Variants in GABRA4 observed in about 807,000 individuals in gnomAD.
GABRA4 encodes the protein gamma-aminobutyric acid type A receptor subunit alpha4.
A neutral mutation model predicts 49.7 loss-of-function variants in GABRA4; 12 were observed. The observed-to-expected ratio is 0.24, with a 90% CI of 0.15 to 0.39. The LOEUF (loss-of-function observed/expected upper bound fraction) is 0.39, where lower values mean the gene tolerates loss of function less well. Ranked by LOEUF, GABRA4 falls within the 10% of genes least tolerant of loss-of-function variation. GABRA4 has a pLI of 1.00. For missense variants in GABRA4, 506 were observed against 686.0 expected, an observed-to-expected ratio of 0.74 and a Z score of 2.93; for synonymous variants, 288 against 240.2, an observed-to-expected ratio of 1.20 and a Z score of -1.84.
At chr4:46,963,390 T>A (rs972180062) in intron 8 of GABRA4, among the ~76,000 whole-genome samples, 1 of 151,804 alleles carries the variant, frequency 6.6e-6, no homozygotes, top group Non-Finnish European at 1.5e-5. Flanking sequence ...GGGGAAGTAA[T>A]TGAATCATGG....
At chr4:46,980,908 G>A (rs975264475) in intron 2 of GABRA4, among the ~76,000 whole-genome samples, 1 of 152,094 alleles carries the variant, frequency 6.6e-6, no homozygotes, top group Non-Finnish European at 1.5e-5. Context: ...GTCAGGGCAA[G>A]TGGTGATAAG....
At chr4:46,935,901 C>T (rs1721588220) in intron 8 of GABRA4, among the ~76,000 whole-genome samples, 1 of 151,970 alleles carries the variant, frequency 6.6e-6, no homozygotes, top group African/African-American at 2.4e-5. Context: ...GAAATAAATA[C>T]AAATAAATAC....
At chr4:46,983,257 T>C (rs1723419940) in intron 2 of GABRA4, among the ~76,000 whole-genome samples, 1 of 152,132 alleles carries the variant, frequency 6.6e-6, no homozygotes, top group African/African-American at 2.4e-5. Context: ...GAATATAACA[T>C]GCTATACCTA....
At chr4:46,951,803 T>A (rs1337902738) in intron 8 of GABRA4, among the ~76,000 whole-genome samples, 1 of 151,680 alleles carries the variant, frequency 6.6e-6, no homozygotes, top group East Asian at 1.9e-4. Context: ...TACGTGTGTG[T>A]GTGTGTGTGT....
In GABRA4 at chr4:46,919,467, A is replaced by G. The variant is rs1004676230; in HGVS notation, c.*8758T>C. ...TTTCCCATAAAATCAAAACACCTCT[A>G]TCTCCTATCAAACCTTGAACTGTTA... On this transcript the variant is annotated 3_prime_UTR_variant, in exon 9 of 9. Coordinates refer to ENST00000264318, the MANE Select transcript of GABRA4 (RefSeq NM_000809.4). The G allele has an allele frequency of 1.3e-5, 2 of 151,524 alleles. No individual in the cohort carries two copies. Among genetic ancestry groups the G allele is most frequent in the African/African-American group, 4.8e-5 (2 of 41,388 alleles). 9.4% of individuals were successfully genotyped at this position (151,524 alleles called of 1,614,324 possible). A position where few individuals can be genotyped will look rare whatever the true frequency, so the allele number is the denominator to read the frequency against.
intron 2 of GABRA4, 193 bp downstream of exon 2, chr4:46,992,635 G>T: frequency 6.7e-6 from 4 of 594,866 alleles, no homozygotes; most frequent in Non-Finnish European, 1.2e-5. Flanking sequence ...CTTCTGAGGG[G>T]GCAGGGAGAT....
At chr4:46,985,774 T>C (rs1723511065) in intron 2 of GABRA4, among the ~76,000 whole-genome samples, 1 of 151,994 alleles carries the variant, frequency 6.6e-6, no homozygotes. Flanking sequence ...AGCACCAGTA[T>C]ATTGTATATC....
chr4:46,964,906 C>G (rs1722698176), intron 8 of GABRA4, 64 bp downstream of exon 8: 5 of 1,469,106 alleles, frequency 3.4e-6, no homozygotes, highest in Non-Finnish European at 4.5e-6. Context: ...AGTTTGTTTC[C>G]CTGACAAAAT....
In GABRA4 at chr4:46,924,079, C is replaced by T. The variant is rs1204406946; in HGVS notation, c.*4146G>A. 2 of 152,088 alleles carry T rather than the reference C, an allele frequency of 1.3e-5. No homozygotes were observed. Among genetic ancestry groups the T allele is most frequent in the Non-Finnish European group, 2.9e-5 (2 of 68,008 alleles). 9.4% of individuals were successfully genotyped at this position (152,088 alleles called of 1,614,324 possible). A position where few individuals can be genotyped will look rare whatever the true frequency, so the allele number is the denominator to read the frequency against. On this transcript the variant is annotated 3_prime_UTR_variant, in exon 9 of 9. Transcript: ENST00000264318. ...TTAGCTTAAGATTATATCTGTGAAA[C>T]CTTCTCTGCTATCACTCTTGTTCCT...
At chr4:46,942,916 C>T (rs140333118) in intron 8 of GABRA4, among the ~76,000 whole-genome samples, 3 of 152,058 alleles carry the variant, frequency 2.0e-5, no homozygotes, top group African/African-American at 4.8e-5. Context: ...AATGTCTTCT[C>T]CCCCCAATTT....
chr4:46,992,451 GC>G (rs1223941054), intron 2 of GABRA4, among the ~76,000 whole-genome samples: 1 of 152,198 alleles, frequency 6.6e-6, no homozygotes, highest in East Asian at 1.9e-4. Flanking sequence ...CTTCGGTTCA[GC>G]TGCCTCCAAT....
At position 46,992,610 on chromosome 4, in the gene GABRA4, G is replaced by A. The variant is rs570457175; in HGVS notation, c.205+218C>T. Reference sequence around the variant, plus strand: ...TCAGGTCCCGGGAGGTAATTAGTGTGGGGGAGAGGCAAAGCTTCTGAGGGG... The same window carrying A: ...TCAGGTCCCGGGAGGTAATTAGTGTAGGGGAGAGGCAAAGCTTCTGAGGGG... On this transcript the variant is annotated intron_variant, in intron 2 of 8. Transcript: ENST00000264318. 6.2e-4 allele frequency: 355 copies of A among 570,600 alleles called. 1 individual carries two copies. Among genetic ancestry groups the A allele is most frequent in the Non-Finnish European group, 9.2e-4 (294 of 319,298 alleles). 35.3% of individuals were successfully genotyped at this position (570,600 alleles called of 1,614,324 possible).
At chr4:46,932,816 G>C (rs1256540226) in intron 8 of GABRA4, among the ~76,000 whole-genome samples, 1 of 151,954 alleles carries the variant, frequency 6.6e-6, no homozygotes, top group Non-Finnish European at 1.5e-5. Flanking sequence ...AAAAGATTTT[G>C]AATCCATTTT....
intron 5 of GABRA4, 23 bp from the exon 6 acceptor site, chr4:46,974,398 G>A (rs1209439170): frequency 1.3e-6 from 2 of 1,596,420 alleles, no homozygotes; most frequent in East Asian, 2.3e-5. Flanking sequence ...ACAGAATGTG[G>A]TTAGAGTCAA....
At chr4:46,989,488 T>C (rs1723667707) in intron 2 of GABRA4, among the ~76,000 whole-genome samples, 1 of 152,212 alleles carries the variant, frequency 6.6e-6, no homozygotes, top group African/African-American at 2.4e-5. Context: ...TCTCGCCTTT[T>C]CCCCTTTTCT....
chr4:46,972,117 C>T (rs1722968093), intron 6 of GABRA4, among the ~76,000 whole-genome samples: 1 of 151,424 alleles, frequency 6.6e-6, no homozygotes, highest in Non-Finnish European at 1.5e-5. Context: ...AATGCCCTTC[C>T]AAAAATAAAT....
At position 46,963,542 on chromosome 4, in the gene GABRA4, A is replaced by G. The variant is rs192483067; in HGVS notation, c.1134+1428T>C. 1.1e-4 allele frequency among the ~76,000 whole-genome samples: 16 copies of G among 151,888 alleles called. No homozygotes were observed. In the South Asian group the frequency reaches 1.5e-3, roughly 14 times the overall value. On this transcript the variant is annotated intron_variant, in intron 8 of 8. Transcript: ENST00000264318. ...TAAGAAGTGCCTTCCACCTCCCACC[A>G]TGATTCTGAGGCCTCCCCAGCCATA...
At chr4:46,963,345 C>T (rs1722645265) in intron 8 of GABRA4, among the ~76,000 whole-genome samples, 1 of 151,624 alleles carries the variant, frequency 6.6e-6, no homozygotes, top group African/African-American at 2.4e-5. Context: ...GAATTTTATC[C>T]CCCAGAATTC....
chr4:46,953,339 A>G (rs1722237284), intron 8 of GABRA4, among the ~76,000 whole-genome samples: 1 of 152,082 alleles, frequency 6.6e-6, no homozygotes, highest in African/African-American at 2.4e-5. Flanking sequence ...CCTCTGGATT[A>G]TTTATATCAC....
Sources: allele counts gnomAD v4.1 joint callset (sites outside exome capture counted in the v4.1 genomes callset), GRCh38; gene constraint gnomAD v4.1.1; transcripts MANE v1.5; gene names NCBI Gene and HGNC (gene_info 2026-07-23, HGNC 2026-07-21).